CACNA1C: variants seen among roughly 807,000 people sequenced by gnomAD.
The protein encoded by CACNA1C is voltage-dependent L-type calcium channel subunit alpha-1C.
CACNA1C carries 30 observed loss-of-function variants against 229.0 expected under a neutral mutation model. The ratio of observed to expected loss-of-function variants is 0.13; its 90% CI spans 0.10 to 0.18. The LOEUF is 0.18. CACNA1C is among the 10% of genes least tolerant of loss of function. The pLI is 1.00. For synonymous variants in CACNA1C, 1,114 were observed against 1,132.5 expected (o/e 0.98, Z 0.33); for missense variants, 1,658 against 2,845.0 (o/e 0.58, Z 9.49).
chr12:2,499,384 C>G (rs140489316), intron 7 of CACNA1C, among the ~76,000 whole-genome samples: 10 of 152,194 alleles, frequency 6.6e-5, no homozygotes, highest in African/African-American at 1.9e-4. Context: ...TCCACAGTGC[C>G]TGTGCCAAGA....
At chr12:2,537,505 A>G (rs548467198) in intron 9 of CACNA1C, among the ~76,000 whole-genome samples, 14 of 152,284 alleles carry the variant, frequency 9.2e-5, no homozygotes, top group African/African-American at 2.9e-4. Flanking sequence ...GCTATTGCAC[A>G]CTCTGGGAGA....
intron 3 of CACNA1C, among the ~76,000 whole-genome samples, chr12:2,443,607 A>G (rs1299264874): frequency 6.6e-6 from 1 of 152,170 alleles, no homozygotes; most frequent in Non-Finnish European, 1.5e-5. Flanking sequence ...TGCATGCTGA[A>G]TATTTGGTGC....
intron 3 of CACNA1C, among the ~76,000 whole-genome samples, chr12:2,239,607 A>G (rs1672724414): frequency 6.6e-6 from 1 of 151,846 alleles, no homozygotes; most frequent in African/African-American, 2.4e-5. Flanking sequence ...CCTGTTTGTG[A>G]CTGTCCCTCT....
chr12:2,667,773 C>T (rs1018001579), intron 37 of CACNA1C, among the ~76,000 whole-genome samples: 4 of 152,290 alleles, frequency 2.6e-5, no homozygotes, highest in African/African-American at 9.6e-5. Context: ...GTCCATGAGG[C>T]TCATCAAGAT....
chr12:2,088,588 G>A (rs573787836), intron 1 of CACNA1C, among the ~76,000 whole-genome samples: 10 of 152,290 alleles, frequency 6.6e-5, no homozygotes, highest in South Asian at 2.1e-4. Context: ...GGCCCACAGG[G>A]AGTACTCTGC....
chr12:2,617,547 G>A (rs1344473936), intron 29 of CACNA1C, among the ~76,000 whole-genome samples: 1 of 152,252 alleles, frequency 6.6e-6, no homozygotes, highest in East Asian at 1.9e-4. Context: ...GTGTGCCCAT[G>A]TGGGGGCAGG....
intron 9 of CACNA1C, among the ~76,000 whole-genome samples, chr12:2,523,604 G>A (rs118046362): frequency 1.6e-4 from 25 of 152,334 alleles, no homozygotes; most frequent in African/African-American, 5.3e-4. Context: ...CTGACACGTG[G>A]TGTCTTTGGA....
intron 5 of CACNA1C, 100 bp downstream of exon 5, chr12:2,457,806 A>G: frequency 7.4e-6 from 8 of 1,080,316 alleles, no homozygotes; most frequent in South Asian, 2.9e-5. Flanking sequence ...ACCTGATTCC[A>G]TATAAATGGA....
chr12:2,229,208 T>G (rs1171506743), intron 3 of CACNA1C, among the ~76,000 whole-genome samples: 1 of 152,200 alleles, frequency 6.6e-6, no homozygotes, highest in Non-Finnish European at 1.5e-5. Context: ...TTCAGTTTTA[T>G]AATGTGGGTA....
At chr12:2,482,343 C>T (rs1043669198) in intron 5 of CACNA1C, among the ~76,000 whole-genome samples, 2 of 152,214 alleles carry the variant, frequency 1.3e-5, no homozygotes, top group Non-Finnish European at 2.9e-5. Flanking sequence ...GCTGTCTAAG[C>T]GTGTGGGGGG....
intron 2 of CACNA1C, among the ~76,000 whole-genome samples, chr12:2,116,300 A>G (rs1264207869): frequency 6.6e-6 from 1 of 151,858 alleles, no homozygotes; most frequent in Non-Finnish European, 1.5e-5. Flanking sequence ...CTTTGAAGGG[A>G]TGGGCGCTCG....
intron 34 of CACNA1C, among the ~76,000 whole-genome samples, chr12:2,661,969 G>A (rs138092909): frequency 7.0e-4 from 106 of 152,302 alleles, no homozygotes; most frequent in African/African-American, 2.3e-3. Context: ...AAGGCCGGGC[G>A]CAGTGGCTCA....
rs114860395 is a variant in CACNA1C at position 2,451,255 on chromosome 12, T to C, written c.617+2140T>C. ...ATGCCTTGAATGACTCAGTAAACCATAGCAAAAGTCCTTAAGGTGGGTTGT... is the reference window on the plus strand; with the variant it reads ...ATGCCTTGAATGACTCAGTAAACCACAGCAAAAGTCCTTAAGGTGGGTTGT... On this transcript the variant is annotated intron_variant, in intron 4 of 46. Coordinates refer to ENST00000399655, the MANE Select transcript of CACNA1C (RefSeq NM_000719.7). Among the ~76,000 whole-genome samples the C allele has an allele frequency of 7.4e-3, 1,126 of 152,290 alleles. 14 individuals are homozygous for C. Among genetic ancestry groups the C allele is most frequent in the African/African-American group, 0.025 (1,040 of 41,562 alleles).
Position 2,449,086 on chromosome 12 carries a change from C to T in CACNA1C, c.588C>T (p.Asn196=), listed in dbSNP as rs377571606. The change falls in exon 4 of 47, where the codon AAC becomes AAT. Residue 196 remains asparagine, a synonymous_variant. Coordinates refer to ENST00000399655, the MANE Select transcript of CACNA1C (RefSeq NM_000719.7). Reference sequence around the variant, plus strand: ...ATGCCTACCTCCGCAACGGCTGGAACCTACTAGATTTTATAATTGTGGTTG... The same window carrying T: ...ATGCCTACCTCCGCAACGGCTGGAATCTACTAGATTTTATAATTGTGGTTG... ...HPNAYLRNGW[N]LLDFIIVVVG... 1 of 1,563,620 alleles carries T rather than the reference C, an allele frequency of 6.4e-7. No individual in the cohort carries two copies. The highest frequency in any genetic ancestry group is 8.7e-7 in the Non-Finnish European group (1 of 1,153,642).
At chr12:2,114,316 T>A (rs1224104358) in intron 1 of CACNA1C, among the ~76,000 whole-genome samples, 2 of 152,114 alleles carry the variant, frequency 1.3e-5, no homozygotes, top group Non-Finnish European at 2.9e-5. Flanking sequence ...AAAGGCTGCC[T>A]TGTGTGGGGG....
intron 3 of CACNA1C, among the ~76,000 whole-genome samples, chr12:2,189,217 C>CCATTGTG (rs1487224685): frequency 6.6e-6 from 1 of 151,900 alleles, no homozygotes; most frequent in Non-Finnish European, 1.5e-5. Flanking sequence ...TGGGTTAGCA[C>CCATTGTG]CATTGTGTGG....
chr12:2,470,739 C>G (rs999797362), intron 5 of CACNA1C, among the ~76,000 whole-genome samples: 1 of 152,212 alleles, frequency 6.6e-6, no homozygotes, highest in African/African-American at 2.4e-5. Context: ...ACAGGAAGCA[C>G]TCAGCAAATA....
intron 1 of CACNA1C, among the ~76,000 whole-genome samples, chr12:2,098,304 T>G (rs749643793): frequency 6.6e-6 from 1 of 152,232 alleles, no homozygotes; most frequent in Non-Finnish European, 1.5e-5. Flanking sequence ...CTTTGACTTT[T>G]CTAAATGAAA....
intron 1 of CACNA1C, among the ~76,000 whole-genome samples, chr12:2,017,738 T>C (rs564763511): frequency 1.1e-4 from 17 of 152,160 alleles, no homozygotes; most frequent in South Asian, 1.0e-3. Flanking sequence ...CTAGTATGAC[T>C]GTGATAGTGA....
Sources: allele counts gnomAD v4.1 joint callset (sites outside exome capture counted in the v4.1 genomes callset), GRCh38; gene constraint gnomAD v4.1.1; transcripts MANE v1.5; gene names NCBI Gene and HGNC (gene_info 2026-07-23, HGNC 2026-07-21).